MTERF4: variants seen among roughly 807,000 people sequenced by gnomAD.
MTERF4 encodes the protein mitochondrial transcription termination factor 4.
Under a neutral mutation model 22.5 loss-of-function variants are expected in MTERF4, and 17 were observed. The ratio of observed to expected loss-of-function variants is 0.75; its 90% CI spans 0.52 to 1.13. MTERF4 has a LOEUF of 1.13. Ranked by LOEUF, MTERF4 falls within the 50% of genes most tolerant of loss-of-function variation. The probability of loss-of-function intolerance (pLI) is 0.00; values close to 1 mark genes in which losing one functional copy is unlikely to be tolerated. For missense variants in MTERF4, 420 were observed against 466.8 expected, an observed-to-expected ratio of 0.90 and a Z score of 0.92; for synonymous variants, 165 against 175.3, an observed-to-expected ratio of 0.94 and a Z score of 0.47.
chr2:241,092,051 G>A (rs1186282115), downstream of MTERF4: 1 of 152,200 alleles, frequency 6.6e-6, no homozygotes, highest in Non-Finnish European at 1.5e-5. The surrounding 1 kb of genome is among the most constrained non-coding windows in gnomAD (Gnocchi z 4.6). Flanking sequence ...TTCTCCCTTC[G>A]AGGCCCAACA....
chr2:241,087,360 T>C, downstream of MTERF4: 1 of 1,565,496 alleles, frequency 6.4e-7, no homozygotes, highest in Non-Finnish European at 8.7e-7. Context: ...TGCTTCACTG[T>C]CTGGTTTTAC....
At chr2:241,089,073 TC>T (rs1164201691), downstream of MTERF4, 2 of 437,666 alleles carry the variant, frequency 4.6e-6, no homozygotes, top group Non-Finnish European at 8.1e-6. Context: ...TGCCCCCACC[TC>T]CCCACACAAA....
At chr2:241,054,295 C>G in the MTERF4 span, among the ~76,000 whole-genome samples, 1 of 152,142 alleles carries the variant, frequency 6.6e-6, no homozygotes, top group African/African-American at 2.4e-5. Context: ...CCTCAGAAAA[C>G]AATAATAAAA....
downstream of MTERF4, chr2:241,089,971 A>T (rs781536054): frequency 9.1e-6 from 14 of 1,546,782 alleles, no homozygotes; most frequent in South Asian, 8.4e-5. Context: ...AAGATAAAAA[A>T]TGGTATACCT....
At chr2:241,051,594 C>T in the MTERF4 span, 2 of 582,516 alleles carry the variant, frequency 3.4e-6, no homozygotes, top group Non-Finnish European at 5.8e-6. This position sits in a 1 kb window ranked among gnomAD's most constrained non-coding sequence, Gnocchi z 4.7. Flanking sequence ...GTGTGCGGAC[C>T]TGCTTGGCCC....
chr2:241,095,785 G>C lies in MTERF4; in HGVS notation c.*213C>G, dbSNP rs544908477. The C allele has an allele frequency of 1.0e-4, 84 of 820,098 alleles. No homozygotes were observed. In the South Asian group the frequency reaches 1.4e-3, roughly 14 times the overall value. The allele number at this position is 820,098 out of a possible 1,614,324, so 50.8% of individuals were successfully genotyped here. On this transcript the variant is annotated 3_prime_UTR_variant, in exon 4 of 4. Coordinates refer to ENST00000391980, the MANE Select transcript of MTERF4 (RefSeq NM_182501.4). ...AGGATGGGACAGGGCCCTCCCCACAGACACGTGACAACAGATCAAACATGC... is the reference window on the plus strand; with the variant it reads ...AGGATGGGACAGGGCCCTCCCCACACACACGTGACAACAGATCAAACATGC...
At chr2:241,057,781 C>A in the MTERF4 span, among the ~76,000 whole-genome samples, 1 of 152,058 alleles carries the variant, frequency 6.6e-6, no homozygotes, top group Admixed American at 6.6e-5. Flanking sequence ...TATTCTCATA[C>A]AAACACAGCT....
downstream of MTERF4, chr2:241,070,247 G>A: frequency 6.5e-7 from 1 of 1,549,898 alleles, no homozygotes; most frequent in Non-Finnish European, 8.7e-7. Context: ...GTGTTTGCCA[G>A]CCCTCCACCC....
At chr2:241,056,155 T>G in the MTERF4 span, among the ~76,000 whole-genome samples, 23 of 152,236 alleles carry the variant, frequency 1.5e-4, no homozygotes, top group African/African-American at 5.1e-4. Context: ...ATGAAAAATT[T>G]TCTTTATGTT....
Position 241,096,094 on chromosome 2 carries a change from GTCC to G in MTERF4, c.1047_1049del (p.Glu349del), listed in dbSNP as rs762292030. Reference sequence around the variant, plus strand: ...CCTCATCATTGTCATCCTCATCATTGTCCTCCTCATCATCGTCATCCTCATCCT... The same window carrying G: ...CCTCATCATTGTCATCCTCATCATTGTCCTCATCATCGTCATCCTCATCCT... On this transcript the variant is annotated inframe_deletion, in exon 4 of 4. Coordinates refer to ENST00000391980, the MANE Select transcript of MTERF4 (RefSeq NM_182501.4). This position sits in a 1 kb window ranked among gnomAD's most constrained non-coding sequence, Gnocchi z 5.1. 1.9e-4 allele frequency: 299 copies of G among 1,612,490 alleles called. No individual in the cohort carries two copies. Among genetic ancestry groups the G allele is most frequent in the Admixed American group, 3.5e-4 (21 of 59,950 alleles).
downstream of MTERF4, chr2:241,067,984 A>C: frequency 1.6e-6 from 2 of 1,225,568 alleles, no homozygotes; most frequent in Non-Finnish European, 2.3e-6. Context: ...GCTGGGGTGA[A>C]GGCAGGGGTG....
chr2:241,042,747 A>C, the MTERF4 span, among the ~76,000 whole-genome samples: 1 of 152,366 alleles, frequency 6.6e-6, no homozygotes, highest in Non-Finnish European at 1.5e-5. Flanking sequence ...TATTTACAGC[A>C]GGTTAGATAT....
At chr2:241,062,952 C>A in the MTERF4 span, 1 of 1,260,544 alleles carries the variant, frequency 7.9e-7, no homozygotes, top group Non-Finnish European at 1.1e-6. Flanking sequence ...AGCACACTGG[C>A]CATGTGCCTG....
chr2:241,084,593 T>C (rs1300691491), downstream of MTERF4, among the ~76,000 whole-genome samples: 1 of 152,222 alleles, frequency 6.6e-6, no homozygotes, highest in Non-Finnish European at 1.5e-5. Flanking sequence ...ATTATCAGAC[T>C]TTTTCCTTCC....
chr2:241,074,461 C>T (rs565474441), exon 5 of MTERF4: 1 of 152,222 alleles, frequency 6.6e-6, no homozygotes, highest in South Asian at 2.1e-4. Context: ...ACAAACATTT[C>T]ATCAGATGAT....
the MTERF4 span, chr2:241,048,213 A>G: frequency 2.2e-6 from 3 of 1,335,960 alleles, no homozygotes; most frequent in Admixed American, 6.0e-5. Flanking sequence ...CTTGGGAATG[A>G]CAACAGAGGT....
chr2:241,082,738 C>A (rs1411163787), downstream of MTERF4, among the ~76,000 whole-genome samples: 1 of 152,242 alleles, frequency 6.6e-6, no homozygotes, highest in East Asian at 1.9e-4. Context: ...CATGAGAATG[C>A]CGGCCCCAGT....
intron 4 of MTERF4, chr2:241,081,818 C>T (rs770051281): frequency 3.1e-5 from 47 of 1,515,808 alleles, no homozygotes; most frequent in Non-Finnish European, 3.9e-5. Flanking sequence ...GGCCTCAGGG[C>T]GCCCCTTCCA....
At chr2:241,078,055 A>G (rs1057416345) in intron 4 of MTERF4, among the ~76,000 whole-genome samples, 1 of 152,208 alleles carries the variant, frequency 6.6e-6, no homozygotes, top group Non-Finnish European at 1.5e-5. Flanking sequence ...CACAAAAGCC[A>G]GAAAGTAGAA....
Sources: allele counts gnomAD v4.1 joint callset (sites outside exome capture counted in the v4.1 genomes callset), GRCh38; gene constraint gnomAD v4.1.1; non-coding constraint Gnocchi (gnomAD v3.1); transcripts MANE v1.5; gene names NCBI Gene and HGNC (gene_info 2026-07-23, HGNC 2026-07-21).